UHRF2: variants seen among roughly 807,000 people sequenced by gnomAD.
UHRF2 encodes E3 ubiquitin-protein ligase UHRF2.
UHRF2 carries 23 observed loss-of-function variants against 96.8 expected under a neutral mutation model. That is an observed-to-expected ratio of 0.24 (90% CI 0.17 to 0.34). The LOEUF (loss-of-function observed/expected upper bound fraction) is 0.34, where lower values mean the gene tolerates loss of function less well. Ranked by LOEUF, UHRF2 falls within the 10% of genes least tolerant of loss-of-function variation. The probability of loss-of-function intolerance (pLI) is 1.00; values close to 1 mark genes in which losing one functional copy is unlikely to be tolerated. For synonymous variants in UHRF2, 385 were observed against 332.6 expected (o/e 1.16, Z -1.72); for missense variants, 685 against 981.5 (o/e 0.70, Z 4.04).
chr9:6,478,241 G>C (rs1366590731), intron 6 of UHRF2, among the ~76,000 whole-genome samples: 3 of 152,082 alleles, frequency 2.0e-5, no homozygotes, highest in Non-Finnish European at 4.4e-5. Context: ...TTCTTTTTCA[G>C]GTTGTCACAC....
chr9:6,476,298 C>T (rs900143817), intron 5 of UHRF2, among the ~76,000 whole-genome samples: 3 of 151,984 alleles, frequency 2.0e-5, no homozygotes, highest in Admixed American at 6.6e-5. Flanking sequence ...CTTGCTGTTT[C>T]TTCTGTTATA....
intron 4 of UHRF2, among the ~76,000 whole-genome samples, chr9:6,463,710 A>C (rs998566577): frequency 6.6e-6 from 1 of 152,152 alleles, no homozygotes; most frequent in Non-Finnish European, 1.5e-5. Context: ...AGCTCAGGCT[A>C]TCTGCCTGCC....
chr9:6,477,142 A>G (rs1001003569), intron 5 of UHRF2, among the ~76,000 whole-genome samples: 11 of 151,922 alleles, frequency 7.2e-5, no homozygotes, highest in Non-Finnish European at 1.3e-4. Context: ...CTGAGGCAGG[A>G]GAATTACTTG....
intron 9 of UHRF2, among the ~76,000 whole-genome samples, chr9:6,487,796 C>T (rs1410905670): frequency 6.6e-6 from 1 of 152,100 alleles, no homozygotes; most frequent in Non-Finnish European, 1.5e-5. Flanking sequence ...GCCACGGTGC[C>T]CATCCTCTAT....
chr9:6,462,251 C>T (rs150196420), intron 4 of UHRF2, among the ~76,000 whole-genome samples: 2 of 151,826 alleles, frequency 1.3e-5, no homozygotes, highest in African/African-American at 4.8e-5. Flanking sequence ...GCAACTGAGA[C>T]CATCTAGCCT....
At chr9:6,429,066 G>A (rs1587775382) in intron 2 of UHRF2, among the ~76,000 whole-genome samples, 1 of 152,146 alleles carries the variant, frequency 6.6e-6, no homozygotes, top group Non-Finnish European at 1.5e-5. Context: ...TCAGGAGGCT[G>A]AAGCAGGAGA....
At chr9:6,422,770 GCTAA>G in intron 2 of UHRF2, 1 of 432,226 alleles carries the variant, frequency 2.3e-6, no homozygotes, top group Non-Finnish European at 4.2e-6. Flanking sequence ...ACCATGCCCG[GCTAA>G]CTTAGATCTT....
intron 11 of UHRF2, among the ~76,000 whole-genome samples, 169 bp from the exon 12 acceptor site, chr9:6,497,849 A>T (rs1419624643): frequency 6.6e-6 from 1 of 152,238 alleles, no homozygotes; most frequent in Non-Finnish European, 1.5e-5. Context: ...TGTAATAGGA[A>T]TTAAGGTCAA....
At chr9:6,460,528 G>T (rs1306899417) in intron 3 of UHRF2, 45 bp from the exon 4 acceptor site, 2 of 1,503,898 alleles carry the variant, frequency 1.3e-6, no homozygotes, top group Non-Finnish European at 1.8e-6. Flanking sequence ...TAAAACTTTA[G>T]TTGTCTTTGG....
intron 2 of UHRF2, among the ~76,000 whole-genome samples, chr9:6,423,892 C>T (rs1820079991): frequency 2.0e-5 from 3 of 151,852 alleles, no homozygotes; most frequent in African/African-American, 7.3e-5. Flanking sequence ...TTGCAGTGAG[C>T]CAAGATTGCG....
intron 6 of UHRF2, among the ~76,000 whole-genome samples, chr9:6,480,784 A>G (rs900338677): frequency 6.6e-6 from 1 of 152,214 alleles, no homozygotes; most frequent in Non-Finnish European, 1.5e-5. Context: ...TGCCTTCTCA[A>G]ACATAATTTG....
rs751155835 is a variant in UHRF2, at chr9:6,445,981, C to CTTTGTT, written c.644+11811_644+11812insGTTTTT. ...TAAATACTCTTCCCCCCCCGCCACC[C>CTTTGTT]TTTTTTTTTTTTTTTTTTTCCTGTT... On this transcript the variant is annotated intron_variant, in intron 3 of 15. Coordinates refer to ENST00000276893, the MANE Select transcript of UHRF2 (RefSeq NM_152896.3). Among the ~76,000 whole-genome samples, 6 of 78,896 alleles carry CTTTGTT rather than the reference C, an allele frequency of 7.6e-5. 1 individual carries two copies. Among genetic ancestry groups the CTTTGTT allele is most frequent in the African/African-American group, 1.6e-4 (3 of 19,026 alleles). 51.8% of individuals were successfully genotyped at this position (78,896 alleles called of 152,430 possible).
At chr9:6,498,190 G>A in intron 12 of UHRF2, 32 bp downstream of exon 12, 1 of 1,602,910 alleles carries the variant, frequency 6.2e-7, no homozygotes, top group Non-Finnish European at 8.5e-7. Flanking sequence ...CTGCCTGTGT[G>A]TTCATAAAAA....
At chr9:6,480,560 T>G (rs1823864941) in intron 6 of UHRF2, among the ~76,000 whole-genome samples, 1 of 152,224 alleles carries the variant, frequency 6.6e-6, no homozygotes, top group Non-Finnish European at 1.5e-5. Flanking sequence ...CTTAAATCTT[T>G]TCTGCTTCTC....
Position 6,498,000 on chromosome 9 carries a change from T to TA in UHRF2, c.1768-18_1768-17insA. On this transcript the variant is annotated splice_polypyrimidine_tract_variant and intron_variant, in intron 11 of 15. Coordinates refer to ENST00000276893, the MANE Select transcript of UHRF2 (RefSeq NM_152896.3). ...TAAATTTTAAATCTCAAACTGGCAC[T>TA]GAAATATTGTGATTTAGGTGGTGAA... is the stretch of plus-strand genomic sequence containing the variant. The TA allele has an allele frequency of 6.2e-7, 1 of 1,610,024 alleles. No homozygotes were observed. The highest frequency in any genetic ancestry group is 8.5e-7 in the Non-Finnish European group (1 of 1,179,278).
chr9:6,435,832 C>A (rs1372517008), intron 3 of UHRF2, among the ~76,000 whole-genome samples: 1 of 152,116 alleles, frequency 6.6e-6, no homozygotes, highest in East Asian at 1.9e-4. Context: ...TGGTCTCGAA[C>A]TCCTGACCTC....
At chr9:6,475,014 A>C (rs1232501145) in intron 4 of UHRF2, among the ~76,000 whole-genome samples, 1 of 152,200 alleles carries the variant, frequency 6.6e-6, no homozygotes, top group Non-Finnish European at 1.5e-5. Flanking sequence ...CAAAGGACAA[A>C]ACAAACAGAA....
At chr9:6,465,112 A>G (rs1361089050) in intron 4 of UHRF2, among the ~76,000 whole-genome samples, 1 of 152,130 alleles carries the variant, frequency 6.6e-6, no homozygotes, top group Non-Finnish European at 1.5e-5. Flanking sequence ...ATTGTTGAAA[A>G]TAAGTAGTGA....
intron 9 of UHRF2, among the ~76,000 whole-genome samples, chr9:6,489,996 A>G (rs1052463568): frequency 9.9e-5 from 15 of 152,018 alleles, no homozygotes; most frequent in African/African-American, 2.4e-4. Context: ...TTTTGAAGCT[A>G]TATCTTTGTA....
Sources: gnomAD v4.1 joint callset for allele counts (sites outside exome capture counted in the v4.1 genomes callset) on GRCh38, gnomAD v4.1.1 for gene constraint, MANE v1.5 for transcripts, NCBI Gene and HGNC (gene_info 2026-07-23, HGNC 2026-07-21) for gene names.